Variants in SPAG16 observed in about 807,000 individuals in gnomAD.
SPAG16 encodes the protein sperm-associated antigen 16 protein.
A neutral mutation model predicts 80.4 loss-of-function variants in SPAG16; 86 were observed. The ratio of observed to expected loss-of-function variants is 1.07; its 90% confidence interval spans 0.90 to 1.28. SPAG16 has a LOEUF of 1.28. Ranked by LOEUF, SPAG16 falls within the 50% of genes most tolerant of loss-of-function variation. The pLI, the probability that SPAG16 is intolerant of heterozygous loss-of-function variation, is 0.00. For missense variants in SPAG16, 870 were observed against 765.3 expected (o/e 1.14, Z -1.61); for synonymous variants, 294 against 265.9 (o/e 1.11, Z -1.03).
At position 213,792,364 on chromosome 2, in the gene SPAG16, A is replaced by G. The variant is rs148401902; in HGVS notation, c.1071-70121A>G. 1.4e-3 allele frequency among the ~76,000 whole-genome samples: 206 copies of G among 152,302 alleles called. 1 individual carries two copies. The highest frequency in any genetic ancestry group is 2.4e-3 in the Non-Finnish European group (166 of 68,014). Reference sequence around the variant, plus strand: ...TCAGTGTGTTGAAAGGATCATATACAGCTATTTGTTTTAACAGCCCTAAAG... The same window carrying G: ...TCAGTGTGTTGAAAGGATCATATACGGCTATTTGTTTTAACAGCCCTAAAG... On this transcript the variant is annotated intron_variant, in intron 10 of 15. Coordinates refer to ENST00000331683, the MANE Select transcript of SPAG16 (RefSeq NM_024532.5).
At chr2:213,332,160 A>G (rs1003201732) in intron 5 of SPAG16, among the ~76,000 whole-genome samples, 3 of 152,220 alleles carry the variant, frequency 2.0e-5, no homozygotes, top group Non-Finnish European at 4.4e-5. Context: ...TTAAAGCACA[A>G]AAAAGGAAAA....
chr2:214,008,767 C>T (rs116309405), intron 12 of SPAG16, among the ~76,000 whole-genome samples: 3,769 of 151,770 alleles, frequency 0.025, 158 homozygotes, highest in African/African-American at 0.087. Context: ...AAAATACATG[C>T]TAGATGTTGT....
intron 13 of SPAG16, among the ~76,000 whole-genome samples, chr2:214,025,724 C>A (rs962262154): frequency 6.6e-6 from 1 of 151,336 alleles, no homozygotes. Context: ...AATTGGATAA[C>A]CATTGATGCA....
rs181451380 is a variant in SPAG16, at chr2:213,724,646, C to T, written c.1071-137839C>T. Among the ~76,000 whole-genome samples the T allele has an allele frequency of 1.9e-3, 285 of 151,446 alleles. 1 individual carries two copies. Among genetic ancestry groups the T allele is most frequent in the African/African-American group, 6.5e-3 (267 of 41,304 alleles). On this transcript the variant is annotated intron_variant, in intron 10 of 15. Coordinates refer to ENST00000331683, the MANE Select transcript of SPAG16 (RefSeq NM_024532.5). ...TACAAAAATTAGCCGGGTGTGGTGG[C>T]GAGTGCCTGTAGTCCCAGCTACTTG...
intron 3 of SPAG16, among the ~76,000 whole-genome samples, chr2:213,301,802 C>A (rs1400453986): frequency 6.6e-6 from 1 of 152,084 alleles, no homozygotes; most frequent in Non-Finnish European, 1.5e-5. Flanking sequence ...TATCTTTGGC[C>A]CTTTCTCCGT....
At chr2:213,926,010 C>G (rs780621230) in intron 11 of SPAG16, among the ~76,000 whole-genome samples, 42 of 151,700 alleles carry the variant, frequency 2.8e-4, no homozygotes, top group Non-Finnish European at 5.7e-4. Context: ...ATACATTTTT[C>G]TTTCCAAACA....
intron 15 of SPAG16, among the ~76,000 whole-genome samples, chr2:214,160,550 T>C (rs2056396942): frequency 6.6e-6 from 1 of 151,978 alleles, no homozygotes; most frequent in African/African-American, 2.4e-5. Flanking sequence ...TGTGATAAAC[T>C]TATTAATCTC....
At chr2:213,740,926 A>G (rs1309492217) in intron 10 of SPAG16, among the ~76,000 whole-genome samples, 1 of 152,234 alleles carries the variant, frequency 6.6e-6, no homozygotes, top group East Asian at 1.9e-4. Context: ...AGATTAAAAC[A>G]GAAATTAACT....
chr2:214,123,363 A>T (rs187422072), intron 14 of SPAG16, among the ~76,000 whole-genome samples: 1 of 152,110 alleles, frequency 6.6e-6, no homozygotes, highest in East Asian at 1.9e-4. Flanking sequence ...AAGCAACATA[A>T]TTATGTCATA....
At chr2:214,121,524 T>G (rs1244860524) in intron 14 of SPAG16, among the ~76,000 whole-genome samples, 1 of 151,882 alleles carries the variant, frequency 6.6e-6, no homozygotes, top group East Asian at 1.9e-4. Context: ...AGCAAATTAT[T>G]TAGCTCATCT....
At position 213,889,642 on chromosome 2, in the gene SPAG16, C is replaced by CAT. The variant is rs1424348685; in HGVS notation, c.1214+27015_1214+27016insTA. 4.7e-5 allele frequency among the ~76,000 whole-genome samples: 7 copies of CAT among 149,596 alleles called. No individual in the cohort carries two copies. The East Asian group carries it at 1.2e-3, about 25-fold the overall frequency. On this transcript the variant is annotated intron_variant, in intron 11 of 15. Transcript: ENST00000331683. ...ATATATATATACATATACATATACA[C>CAT]ACACACATATATACATATACATATA... is the stretch of plus-strand genomic sequence containing the variant.
At chr2:213,617,032 C>T (rs983248652) in intron 10 of SPAG16, among the ~76,000 whole-genome samples, 3 of 151,916 alleles carry the variant, frequency 2.0e-5, no homozygotes, top group Non-Finnish European at 2.9e-5. Flanking sequence ...GTGTTGGTCC[C>T]GTGTGTAATG....
chr2:213,571,838 A>T, intron 10 of SPAG16, among the ~76,000 whole-genome samples: 1 of 124,420 alleles, frequency 8.0e-6, no homozygotes, highest in Admixed American at 7.8e-5. Context: ...AGTGTTTTCC[A>T]ACTTGGTTCC....
At chr2:213,458,257 T>C (rs1368331167) in intron 9 of SPAG16, among the ~76,000 whole-genome samples, 1 of 152,088 alleles carries the variant, frequency 6.6e-6, no homozygotes, top group Non-Finnish European at 1.5e-5. Context: ...ATTTGCCTTC[T>C]AAATGATGAA....
At chr2:213,860,436 T>TA (rs200245977) in intron 10 of SPAG16, among the ~76,000 whole-genome samples, 4 of 136,890 alleles carry the variant, frequency 2.9e-5, no homozygotes, top group African/African-American at 2.8e-5. Flanking sequence ...TATCTATATA[T>TA]TTATAGATAT....
chr2:213,668,000 G>T (rs1319597144), intron 10 of SPAG16, among the ~76,000 whole-genome samples: 4 of 138,318 alleles, frequency 2.9e-5, no homozygotes, highest in Non-Finnish European at 5.9e-5. Flanking sequence ...AGGCTGGAGT[G>T]CATGATCTCG....
chr2:213,561,210 A>G (rs777055340), intron 10 of SPAG16, among the ~76,000 whole-genome samples: 2 of 152,188 alleles, frequency 1.3e-5, no homozygotes, highest in African/African-American at 2.4e-5. Context: ...CCCAAATTCT[A>G]TCTGATATGC....
At chr2:213,558,014 G>A (rs1372678626) in intron 10 of SPAG16, among the ~76,000 whole-genome samples, 1 of 151,952 alleles carries the variant, frequency 6.6e-6, no homozygotes, top group Non-Finnish European at 1.5e-5. Flanking sequence ...TTTCTACTTG[G>A]CATGTAAGCA....
chr2:214,321,110 T>G (rs1696066077), intron 15 of SPAG16, among the ~76,000 whole-genome samples: 1 of 152,134 alleles, frequency 6.6e-6, no homozygotes, highest in Non-Finnish European at 1.5e-5. Flanking sequence ...GCTCCCTTTT[T>G]CTTCCCAGGA....
Sources: allele counts gnomAD v4.1 joint callset (sites outside exome capture counted in the v4.1 genomes callset), GRCh38; gene constraint gnomAD v4.1.1; transcripts MANE v1.5; gene names NCBI Gene and HGNC (gene_info 2026-07-23, HGNC 2026-07-21).